Variants in CAMSAP3 observed in about 807,000 individuals in gnomAD.
The protein encoded by CAMSAP3 is calmodulin-regulated spectrin-associated protein 3.
A neutral mutation model predicts 112.5 loss-of-function variants in CAMSAP3; 34 were observed. The ratio of observed to expected loss-of-function variants is 0.30; its 90% CI spans 0.23 to 0.40. CAMSAP3 has a LOEUF of 0.40. Among genes scored for constraint, CAMSAP3 ranks in the 10% least tolerant of loss-of-function variants. The pLI is 1.00. For synonymous variants in CAMSAP3, 868 were observed against 799.8 expected (o/e 1.09, Z -1.44); for missense variants, 1,602 against 1,770.3 (o/e 0.90, Z 1.71).
Position 7,610,195 on chromosome 19 carries a change from G to A in CAMSAP3, c.761-281G>A, listed in dbSNP as rs1054766874. ...TAGCCTGGTGTTGTGGCACACTCCT[G>A]TAATCCCAGCTACTCAGGAGGCTGA... is the stretch of plus-strand genomic sequence containing the variant. On this transcript the variant is annotated intron_variant, in intron 5 of 16. Coordinates refer to ENST00000160298, the MANE Select transcript of CAMSAP3 (RefSeq NM_020902.2). The surrounding 1 kb of genome is among the most constrained non-coding windows in gnomAD (Gnocchi z 4.9). 6.6e-6 allele frequency among the ~76,000 whole-genome samples: 1 copy of A among 151,906 alleles called. No homozygotes were observed. The highest frequency in any genetic ancestry group is 1.5e-5 in the Non-Finnish European group (1 of 67,982).
chr19:7,608,148 T>C lies in CAMSAP3; in HGVS notation c.644T>C (p.Val215Ala). 1 of 1,611,958 alleles carries C rather than the reference T, an allele frequency of 6.2e-7. No homozygotes were observed. The highest frequency in any genetic ancestry group is 8.5e-7 in the Non-Finnish European group (1 of 1,179,822). Residue 215 changes from valine to alanine, a missense_variant, in exon 5 of 17, where the codon GTG (valine) becomes GCG (alanine). Around this residue, in one of 6 missense-constraint regions of CAMSAP3, gnomAD observed 112 missense variants for 94.2 expected, o/e 1.19. Coordinates refer to ENST00000160298, the MANE Select transcript of CAMSAP3 (RefSeq NM_020902.2). ...CAGATCCGATACCGCAAGGACCGTG[T>C]GGTGGCGCGACGTGCCCCCTGCTTC... ...QPSIRYRKDR[V>A]VARRAPCFPT...
intron 11 of CAMSAP3, among the ~76,000 whole-genome samples, chr19:7,614,259 C>CAAAAAAAAAAAAAAAAAAA (rs1173068955): frequency 4.3e-4 from 8 of 18,766 alleles, no homozygotes; most frequent in Non-Finnish European, 7.1e-4. Flanking sequence ...GACTCCATCT[C>CAAAAAAAAAAAAAAAAAAA]AAAAAAAAAA....
chr19:7,602,235 C>T (rs566475047), intron 1 of CAMSAP3, among the ~76,000 whole-genome samples: 33 of 151,954 alleles, frequency 2.2e-4, no homozygotes, highest in Non-Finnish European at 3.5e-4. Flanking sequence ...AGAGATTTTG[C>T]TAAACATCTC....
chr19:7,615,862 T>G lies in CAMSAP3; in HGVS notation c.3112+143T>G. On this transcript the variant is annotated intron_variant, in intron 13 of 16. Coordinates refer to ENST00000160298, the MANE Select transcript of CAMSAP3 (RefSeq NM_020902.2). This position sits in a 1 kb window ranked among gnomAD's most constrained non-coding sequence, Gnocchi z 6.5. ...CGGGTATGTGGGGTGACAGGGGGCC[T>G]CAGGTGGGGTTGGACACTGTCTCTT... 2 of 617,530 alleles carry G rather than the reference T, an allele frequency of 3.2e-6. No homozygotes were observed. Among genetic ancestry groups the G allele is most frequent in the Non-Finnish European group, 4.9e-6 (2 of 408,636 alleles). 38.3% of individuals were successfully genotyped at this position (617,530 alleles called of 1,614,324 possible). A position where few individuals can be genotyped will look rare whatever the true frequency, so the allele number is the denominator to read the frequency against.
Position 7,607,675 on chromosome 19 carries a change from C to T in CAMSAP3, c.622-451C>T, listed in dbSNP as rs188957170. 97 of 339,806 alleles carry T rather than the reference C, an allele frequency of 2.9e-4. No individual in the cohort carries two copies. The highest frequency in any genetic ancestry group is 4.7e-4 in the Non-Finnish European group (84 of 178,708). 21.0% of individuals were successfully genotyped at this position (339,806 alleles called of 1,614,324 possible). On this transcript the variant is annotated intron_variant, in intron 4 of 16. Transcript: ENST00000160298. The surrounding 1 kb of genome is among the most constrained non-coding windows in gnomAD (Gnocchi z 4.9). ...CTTGGGGCTGGGAGGAGCTGGGGTT[C>T]GCGAAGCCGGCCAGAGCAGTCAGGG... is the stretch of plus-strand genomic sequence containing the variant.
Position 7,611,898 on chromosome 19 carries a change from G to A in CAMSAP3, c.1405G>A (p.Ala469Thr). Residue 469 changes from alanine (A) to threonine (T), a missense_variant, in exon 11 of 17, where the codon GCC becomes ACC. Ala to Thr is a moderately conservative substitution (Grantham distance 58, BLOSUM62 0). Coordinates refer to ENST00000160298, the MANE Select transcript of CAMSAP3 (RefSeq NM_020902.2). The surrounding 1 kb of genome is among the most constrained non-coding windows in gnomAD (Gnocchi z 6.9). ...GGAAGCTCTGCAGATCATCCACAGT[G>A]CCGAGCCCCGGCTCCTCCCAGATGG... Reference protein sequence around the residue: ...IEEALQIIHSAEPRLLPDGAA... With the variant: ...IEEALQIIHSTEPRLLPDGAA... 1.3e-6 allele frequency: 2 copies of A among 1,576,922 alleles called. No individual in the cohort carries two copies. Among genetic ancestry groups the A allele is most frequent in the South Asian group, 1.2e-5 (1 of 86,662 alleles).
intron 1 of CAMSAP3, among the ~76,000 whole-genome samples, chr19:7,598,255 G>T (rs541819720): frequency 1.3e-5 from 2 of 152,178 alleles, no homozygotes; most frequent in African/African-American, 4.8e-5. Flanking sequence ...AGTTTGACAC[G>T]GAGAAGAGAT....
At chr19:7,605,946 A>C (rs1285873543) in intron 2 of CAMSAP3, among the ~76,000 whole-genome samples, 1 of 149,986 alleles carries the variant, frequency 6.7e-6, no homozygotes, top group Non-Finnish European at 1.5e-5. Context: ...AGCTCTTCCC[A>C]TCAAGCCTGG....
In CAMSAP3 at chr19:7,610,848, C is replaced by T. The variant is rs1165694391; in HGVS notation, c.995-29C>T. 5 of 1,609,332 alleles carry T rather than the reference C, an allele frequency of 3.1e-6. No homozygotes were observed. The highest frequency in any genetic ancestry group is 3.4e-6 in the Non-Finnish European group (4 of 1,179,022). The stretch of plus-strand genomic sequence containing the variant: ...CGGGGGCGGGTGGGAGAGCCAAACC[C>T]CCGCCTGACCCTCTTCTCTGTACTG... On this transcript the variant is annotated intron_variant, in intron 7 of 16. Transcript: ENST00000160298. This position sits in a 1 kb window ranked among gnomAD's most constrained non-coding sequence, Gnocchi z 4.9.
rs1029469352 is a variant in CAMSAP3 at position 7,612,795 on chromosome 19, C to T, written c.2302C>T (p.Arg768Cys). ...CGCCCGGCGAGTCCCGGCCACCCGG[C>T]GCAGCCCTGGGCCCGGGCCCAGCCA... ...SPARRVPATR[R>C]SPGPGPSQSP... The change falls in exon 11 of 17, where the codon CGC (arginine) becomes TGC (cysteine). Residue 768 changes from arginine to cysteine, a missense_variant. By Grantham distance (180) the Arg-to-Cys change is radical. Transcript: ENST00000160298. 1 of 1,538,298 alleles carries T rather than the reference C, an allele frequency of 6.5e-7. No individual in the cohort carries two copies. The highest frequency in any genetic ancestry group is 8.7e-7 in the Non-Finnish European group (1 of 1,147,896).
chr19:7,612,305 C>T lies in CAMSAP3; in HGVS notation c.1812C>T (p.Ser604=), dbSNP rs772819284. The T allele has an allele frequency of 4.4e-6, 7 of 1,604,534 alleles. No homozygotes were observed. In the East Asian group the frequency reaches 6.7e-5, roughly 15 times the overall value. The change falls in exon 11 of 17, where the codon AGC becomes AGT. Residue 604 remains serine (S), a synonymous_variant. Transcript: ENST00000160298. The part of the protein sequence containing the change: ...EALSSEMSEL[S]ARLEEKRRAI... ...TGAGCTCGGAGATGAGTGAGCTCAG[C>T]GCCCGGCTGGAGGAGAAACGCAGAG...
At position 7,615,810 on chromosome 19, in the gene CAMSAP3, G is replaced by A. The variant is rs1470549786; in HGVS notation, c.3112+91G>A. On this transcript the variant is annotated intron_variant, in intron 13 of 16. Coordinates refer to ENST00000160298, the MANE Select transcript of CAMSAP3 (RefSeq NM_020902.2). This position sits in a 1 kb window ranked among gnomAD's most constrained non-coding sequence, Gnocchi z 6.5. ...ATGGGTAAGGGGGGAGGGGGAGGGA[G>A]ATGTAAGCAGGGGTGCCGGGAGGGG... is the stretch of plus-strand genomic sequence containing the variant. 3.5e-5 allele frequency: 10 copies of A among 286,122 alleles called. No individual in the cohort carries two copies. Among genetic ancestry groups the A allele is most frequent in the Non-Finnish European group, 4.6e-5 (8 of 173,844 alleles). 17.7% of individuals were successfully genotyped at this position (286,122 alleles called of 1,614,324 possible).
At position 7,613,076 on chromosome 19, in the gene CAMSAP3, C is replaced by T. The variant is rs771429692; in HGVS notation, c.2583C>T (p.Asp861=). The T allele has an allele frequency of 3.2e-6, 5 of 1,547,360 alleles. No individual in the cohort carries two copies. Among genetic ancestry groups the T allele is most frequent in the Non-Finnish European group, 1.7e-6 (2 of 1,146,586 alleles). ...LADPAAEDEG[D]GSPAGAEDSL... Reference sequence around the variant, plus strand: ...ATCCCGCCGCCGAGGACGAGGGAGACGGGAGCCCCGCTGGTGCTGAGGATT... The same window carrying T: ...ATCCCGCCGCCGAGGACGAGGGAGATGGGAGCCCCGCTGGTGCTGAGGATT... Residue 861 remains aspartate, a synonymous_variant, in exon 11 of 17, where the codon GAC becomes GAT. Coordinates refer to ENST00000160298, the MANE Select transcript of CAMSAP3 (RefSeq NM_020902.2).
chr19:7,610,534 G>A lies in CAMSAP3; in HGVS notation c.819G>A (p.Val273=). ...VADSLYNLQL[V]QDFCASRLPR... is the part of the protein sequence containing the mutation. ...ACAGCCTGTACAACCTCCAGCTCGT[G>A]CAGGATTTCTGTGCCTCTCGCCTTC... Residue 273 remains valine (V), a synonymous_variant, in exon 6 of 17, where the codon GTG becomes GTA. Transcript: ENST00000160298. This position sits in a 1 kb window ranked among gnomAD's most constrained non-coding sequence, Gnocchi z 4.9. 1 of 1,613,698 alleles carries A rather than the reference G, an allele frequency of 6.2e-7. No individual in the cohort carries two copies. The highest frequency in any genetic ancestry group is 8.5e-7 in the Non-Finnish European group (1 of 1,180,000).
intron 11 of CAMSAP3, chr19:7,614,906 C>G: frequency 3.6e-6 from 2 of 560,278 alleles, no homozygotes; most frequent in East Asian, 3.0e-5. Flanking sequence ...CTGTGCCCAA[C>G]ACGAGCTTTT....
In CAMSAP3 at chr19:7,607,870, TA is replaced by T; in HGVS notation, c.622-254del. 8.4e-7 allele frequency: 1 copy of T among 1,194,618 alleles called. No individual in the cohort carries two copies. Among genetic ancestry groups the T allele is most frequent in the Non-Finnish European group, 1.2e-6 (1 of 842,724 alleles). The allele number at this position is 1,194,618 out of a possible 1,614,324, so 74.0% of individuals were successfully genotyped here. A position where few individuals can be genotyped will look rare whatever the true frequency, so the allele number is the denominator to read the frequency against. On this transcript the variant is annotated intron_variant, in intron 4 of 16. Coordinates refer to ENST00000160298, the MANE Select transcript of CAMSAP3 (RefSeq NM_020902.2). The surrounding 1 kb of genome is among the most constrained non-coding windows in gnomAD (Gnocchi z 4.9). ...GAGTCGGGGAGCAAACCCCCCATGGTAATGTATCCCCCGCCCCGGGGTCCCA... is the reference window on the plus strand; with the variant it reads ...GAGTCGGGGAGCAAACCCCCCATGGTATGTATCCCCCGCCCCGGGGTCCCA...
Position 7,612,434 on chromosome 19 carries a change from G to GGAGGCGGAAGCA in CAMSAP3, c.1950_1961dup (p.Ala651_Glu654dup). 1.3e-6 allele frequency: 2 copies of GGAGGCGGAAGCA among 1,591,070 alleles called. No individual in the cohort carries two copies. The highest frequency in any genetic ancestry group is 2.7e-5 in the African/African-American group (2 of 74,600). ...AGGTGCAGCCGCGGGAAGCCTCTGG[G>GGAGGCGGAAGCA]GAGGCGGAAGCAGAGGCGGAGGAGG... On this transcript the variant is annotated inframe_insertion, in exon 11 of 17. Coordinates refer to ENST00000160298, the MANE Select transcript of CAMSAP3 (RefSeq NM_020902.2).
chr19:7,597,464 C>T (rs2024463998), intron 1 of CAMSAP3, among the ~76,000 whole-genome samples: 2 of 152,156 alleles, frequency 1.3e-5, no homozygotes, highest in African/African-American at 2.4e-5. Context: ...CACCAGAATG[C>T]GAATTATCCC....
At chr19:7,608,298 G>T (rs762773593) in intron 5 of CAMSAP3, 34 bp downstream of exon 5, 2 of 1,589,172 alleles carry the variant, frequency 1.3e-6, no homozygotes, top group Admixed American at 1.7e-5. Context: ...ATCTTGTGCC[G>T]GGGAGCTGGG....
Sources: gnomAD v4.1 joint callset for allele counts (sites outside exome capture counted in the v4.1 genomes callset) on GRCh38, gnomAD v4.1.1 for gene constraint, gnomAD v4.1.1 regional missense constraint, Gnocchi (gnomAD v3.1) non-coding constraint, MANE v1.5 for transcripts, NCBI Gene and HGNC (gene_info 2026-07-23, HGNC 2026-07-21) for gene names.